The following MAPK10 variants were observed in gnomAD, a reference collection of about 807,000 sequenced individuals.
MAPK10 encodes JNK3 alpha protein kinase.
In MAPK10, 25 loss-of-function variants were observed where a neutral mutation model predicts 59.3. The observed-to-expected ratio is 0.42, with a 90% CI of 0.31 to 0.59. The LOEUF (loss-of-function observed/expected upper bound fraction) is 0.59. Among genes scored for constraint, MAPK10 ranks in the 20% least tolerant of loss-of-function variants. MAPK10 has a pLI of 0.15. For synonymous variants in MAPK10, 190 were observed against 200.5 expected (o/e 0.95, Z 0.44); for missense variants, 351 against 568.9 (o/e 0.62, Z 3.90).
At chr4:86,490,689 AC>A (rs1329621434) in intron 1 of MAPK10, among the ~76,000 whole-genome samples, 1 of 152,206 alleles carries the variant, frequency 6.6e-6, no homozygotes, top group African/African-American at 2.4e-5. Context: ...CCACGCAGAG[AC>A]AGTTCTTTAC....
intron 1 of MAPK10, among the ~76,000 whole-genome samples, chr4:86,515,783 G>T (rs888636553): frequency 6.6e-6 from 1 of 151,854 alleles, no homozygotes; most frequent in Middle Eastern, 3.4e-3. Flanking sequence ...CCTACTCTGC[G>T]GGTTGTCTGT....
chr4:86,133,407 C>A (rs1338306133), intron 4 of MAPK10, among the ~76,000 whole-genome samples: 1 of 152,030 alleles, frequency 6.6e-6, no homozygotes, highest in Non-Finnish European at 1.5e-5. Context: ...AATTCACTTT[C>A]ATTCTTAATT....
At chr4:86,259,673 CATT>C (rs2093906308) in intron 2 of MAPK10, among the ~76,000 whole-genome samples, 1 of 151,996 alleles carries the variant, frequency 6.6e-6, no homozygotes, top group Admixed American at 6.6e-5. Context: ...TTTGAATAAT[CATT>C]AGGTGATTAG....
chr4:86,478,455 C>T (rs527468123), intron 1 of MAPK10, among the ~76,000 whole-genome samples: 8 of 152,248 alleles, frequency 5.3e-5, no homozygotes, highest in African/African-American at 1.9e-4. Flanking sequence ...CCACCACTGC[C>T]CTAATACTTT....
At chr4:86,135,971 G>A (rs1437050790) in intron 4 of MAPK10, among the ~76,000 whole-genome samples, 1 of 151,696 alleles carries the variant, frequency 6.6e-6, no homozygotes. Flanking sequence ...GAAGCAAGAA[G>A]GGAAGTTTAG....
chr4:86,048,330 G>T (rs2042894728), intron 11 of MAPK10, among the ~76,000 whole-genome samples: 1 of 152,074 alleles, frequency 6.6e-6, no homozygotes, highest in Non-Finnish European at 1.5e-5. Flanking sequence ...CATATGGAAG[G>T]TTCTAAAGAA....
chr4:86,268,530 GC>G (rs2148764187), intron 2 of MAPK10: 1 of 152,244 alleles, frequency 6.6e-6, no homozygotes, highest in African/African-American at 2.4e-5. Context: ...TGTTTCAACT[GC>G]CCCTCAGGTC....
intron 3 of MAPK10, among the ~76,000 whole-genome samples, chr4:86,179,563 A>C (rs773794805): frequency 2.6e-5 from 4 of 152,188 alleles, no homozygotes; most frequent in African/African-American, 4.8e-5. Flanking sequence ...CAAAAAGAAC[A>C]AAGCTAAAGA....
Position 86,354,538 on chromosome 4 carries a change from G to T in MAPK10, c.-15C>A. ...TTAAATTGGCAACTCACCACAGCTT[G>T]TATGGTTTCTCATCTATAGGAAACG... On this transcript the variant is annotated 5_prime_UTR_variant, in exon 2 of 14. An upstream open reading frame in the 5' UTR gains an earlier in-frame stop. Coordinates refer to ENST00000641462, the MANE Select transcript of MAPK10 (RefSeq NM_138982.4). 8.2e-7 allele frequency: 1 copy of T among 1,224,908 alleles called. No homozygotes were observed. 75.9% of individuals were successfully genotyped at this position (1,224,908 alleles called of 1,614,324 possible). A position where few individuals can be genotyped will look rare whatever the true frequency, so the allele number is the denominator to read the frequency against.
intron 1 of MAPK10, among the ~76,000 whole-genome samples, chr4:86,444,597 C>T (rs1749795660): frequency 6.6e-6 from 1 of 151,840 alleles, no homozygotes; most frequent in South Asian, 2.1e-4. Flanking sequence ...AGAGCTTCTG[C>T]ACAGCAAAAG....
chr4:86,014,303 G>T lies in MAPK10; in HGVS notation c.*2925C>A, dbSNP rs868337674. 9.8e-4 allele frequency: 141 copies of T among 143,990 alleles called. 1 individual carries two copies. The highest frequency in any genetic ancestry group is 2.1e-3 in the Admixed American group (30 of 14,406). 8.9% of individuals were successfully genotyped at this position (143,990 alleles called of 1,614,324 possible). A position where few individuals can be genotyped will look rare whatever the true frequency, so the allele number is the denominator to read the frequency against. ...AGGTGACTATTTAAGAAATATTTGG[G>T]GTGTGTGTGTGTGTGTGTGTGTGTG... On this transcript the variant is annotated 3_prime_UTR_variant, in exon 14 of 14. Transcript: ENST00000641462.
At chr4:86,514,687 G>C (rs1490531211) in intron 1 of MAPK10, among the ~76,000 whole-genome samples, 1 of 152,116 alleles carries the variant, frequency 6.6e-6, no homozygotes. Flanking sequence ...ATTACTGCTA[G>C]GAGGAAGTAA....
chr4:86,290,090 T>C (rs2095172122), intron 2 of MAPK10, among the ~76,000 whole-genome samples: 3 of 152,104 alleles, frequency 2.0e-5, no homozygotes, highest in Admixed American at 6.6e-5. Context: ...GAAATACAGA[T>C]TTAAGTGTGT....
In MAPK10 at chr4:86,187,153, A is replaced by G. The variant is rs181203742; in HGVS notation, c.66+7183T>C. The stretch of plus-strand genomic sequence containing the variant: ...TTATATTCAGAGAATACATTTTAAG[A>G]CCCCCAGTGGATGCCTGAAACCACA... On this transcript the variant is annotated intron_variant, in intron 3 of 13. Coordinates refer to ENST00000641462, the MANE Select transcript of MAPK10 (RefSeq NM_138982.4). Among the ~76,000 whole-genome samples, 82 of 152,112 alleles carry G rather than the reference A, an allele frequency of 5.4e-4. 3 individuals carry two copies. The East Asian group carries it at 0.014, about 26-fold the overall frequency.
At chr4:86,168,071 T>C (rs6821819) in intron 3 of MAPK10, among the ~76,000 whole-genome samples, 44,972 of 152,066 alleles carry the variant, frequency 0.3, 8,778 homozygotes, top group African/African-American at 0.56. Context: ...ACAAGCATTC[T>C]GAGAGGACAG....
intron 11 of MAPK10, among the ~76,000 whole-genome samples, chr4:86,041,638 C>T (rs1453689075): frequency 6.6e-6 from 1 of 152,084 alleles, no homozygotes; most frequent in African/African-American, 2.4e-5. Context: ...AAACAAACAA[C>T]CCCATCAAAA....
chr4:86,397,000 A>G (rs1160393769), intron 1 of MAPK10, among the ~76,000 whole-genome samples: 5 of 152,226 alleles, frequency 3.3e-5, no homozygotes, highest in Non-Finnish European at 7.3e-5. Context: ...TGTGGTTACT[A>G]GAAATTAAAA....
intron 2 of MAPK10, among the ~76,000 whole-genome samples, chr4:86,249,988 G>C (rs1459724176): frequency 1.3e-5 from 2 of 152,102 alleles, no homozygotes; most frequent in African/African-American, 4.8e-5. Context: ...TGTCTAAAAA[G>C]GGGGGAAATC....
intron 3 of MAPK10, among the ~76,000 whole-genome samples, chr4:86,163,697 C>T (rs2070645891): frequency 6.6e-6 from 1 of 152,228 alleles, no homozygotes; most frequent in Non-Finnish European, 1.5e-5. Flanking sequence ...GTACTTCTAA[C>T]AAGTTTCACA....
Sources: allele counts gnomAD v4.1 joint callset (sites outside exome capture counted in the v4.1 genomes callset), GRCh38; gene constraint gnomAD v4.1.1; transcripts MANE v1.5; gene names NCBI Gene and HGNC (gene_info 2026-07-23, HGNC 2026-07-21).